Variants in CGA observed in about 807,000 individuals in gnomAD.
CGA encodes glycoprotein hormones, alpha polypeptide.
Under a neutral mutation model 12.0 loss-of-function variants are expected in CGA, and 4 were observed. That is an observed-to-expected ratio of 0.33 (90% confidence interval 0.16 to 0.76). CGA has a LOEUF of 0.76. Among genes scored for constraint, CGA ranks in the 30% least tolerant of loss-of-function variants. The pLI is 0.60. For missense variants in CGA, 102 were observed against 143.5 expected, an observed-to-expected ratio of 0.71 and a Z score of 1.48; for synonymous variants, 60 against 56.6, an observed-to-expected ratio of 1.06 and a Z score of -0.27.
At chr6:87,093,086 G>C (rs933968344) in intron 1 of CGA, among the ~76,000 whole-genome samples, 1 of 152,074 alleles carries the variant, frequency 6.6e-6, no homozygotes, top group African/African-American at 2.4e-5. Flanking sequence ...GTCAGCATTG[G>C]CTTTCACATA....
intron 1 of CGA, among the ~76,000 whole-genome samples, chr6:87,092,742 C>CTTTT (rs35436814): frequency 5.0e-3 from 389 of 77,892 alleles, no homozygotes; most frequent in Non-Finnish European, 6.9e-3. Flanking sequence ...CATTAGCTTT[C>CTTTT]TTTTTTTTTT....
intron 1 of CGA, among the ~76,000 whole-genome samples, chr6:87,092,742 C>CTTTTTTTTTTTTTTTTT: frequency 1.3e-5 from 1 of 78,040 alleles, no homozygotes; most frequent in Non-Finnish European, 2.3e-5. Flanking sequence ...CATTAGCTTT[C>CTTTTTTTTTTTTTTTTT]TTTTTTTTTT....
At chr6:87,090,804 A>ATT (rs71014987) in intron 1 of CGA, among the ~76,000 whole-genome samples, 9,372 of 140,354 alleles carry the variant, frequency 0.067, 686 homozygotes, top group African/African-American at 0.18. Context: ...CGCTTGGCTA[A>ATT]TTTTTTTTTT....
chr6:87,087,513 G>A (rs925367193), intron 2 of CGA, among the ~76,000 whole-genome samples: 2 of 152,182 alleles, frequency 1.3e-5, no homozygotes, highest in Non-Finnish European at 2.9e-5. Flanking sequence ...AGAGAAATAT[G>A]TCAGAATTAA....
chr6:87,085,954 AC>A (rs1279096249), intron 3 of CGA, 121 bp from the exon 4 acceptor site: 2 of 750,026 alleles, frequency 2.7e-6, no homozygotes, highest in African/African-American at 3.5e-5. Flanking sequence ...GATGCATACT[AC>A]ATTTGCACAG....
At chr6:87,085,996 G>A (rs776382837) in intron 3 of CGA, 163 bp from the exon 4 acceptor site, 1 of 679,418 alleles carries the variant, frequency 1.5e-6, no homozygotes, top group Admixed American at 2.5e-5. Flanking sequence ...TTTAGCACAA[G>A]TAAGCTGTAC....
intron 2 of CGA, among the ~76,000 whole-genome samples, chr6:87,086,875 C>T (rs563664915): frequency 2.0e-5 from 3 of 152,030 alleles, no homozygotes; most frequent in South Asian, 2.1e-4. Flanking sequence ...GTTAGGAATT[C>T]GAGACCAGCC....
chr6:87,087,209 A>T (rs1221622766), intron 2 of CGA, among the ~76,000 whole-genome samples: 4 of 152,322 alleles, frequency 2.6e-5, no homozygotes, highest in Middle Eastern at 3.4e-3. Context: ...CTTTTTGGTT[A>T]TATGTTAATC....
chr6:87,086,777 C>A (rs1769332818), intron 2 of CGA, among the ~76,000 whole-genome samples: 1 of 151,046 alleles, frequency 6.6e-6, no homozygotes, highest in African/African-American at 2.4e-5. Flanking sequence ...CAAAGTGAGA[C>A]CCTGACTCAA....
intron 3 of CGA, 92 bp from the exon 4 acceptor site, chr6:87,085,925 C>T (rs1769313536): frequency 4.4e-6 from 4 of 915,634 alleles, no homozygotes; most frequent in Non-Finnish European, 3.5e-6. Context: ...AAATTGTTTG[C>T]ATTCTGCTGA....
At position 87,095,045 on chromosome 6, in the gene CGA, G is replaced by A. The variant is rs1313062968; in HGVS notation, c.-40C>T. The A allele has an allele frequency of 6.6e-6, 1 of 152,156 alleles. No homozygotes were observed. Among genetic ancestry groups the A allele is most frequent in the Non-Finnish European group, 1.5e-5 (1 of 68,046 alleles). The allele number at this position is 152,156 out of a possible 1,614,324, so 9.4% of individuals were successfully genotyped here. A position where few individuals can be genotyped will look rare whatever the true frequency, so the allele number is the denominator to read the frequency against. On this transcript the variant is annotated 5_prime_UTR_variant, in exon 1 of 4. Coordinates refer to ENST00000627148, the MANE Select transcript of CGA (RefSeq NM_000735.4). ...TGGGCTTTTTGCAGGATGTGTTCAG[G>A]GCGGTTGACTGTGGATCCGAAGAGG...
intron 1 of CGA, among the ~76,000 whole-genome samples, chr6:87,092,580 G>A (rs73499719): frequency 6.7e-6 from 1 of 150,294 alleles, no homozygotes; most frequent in African/African-American, 2.5e-5. Flanking sequence ...GGAGAGGAGA[G>A]GGGAAGAGGG....
At chr6:87,088,058 AC>A (rs1769355505) in intron 2 of CGA, 54 bp downstream of exon 2, 1 of 918,006 alleles carries the variant, frequency 1.1e-6, no homozygotes, top group African/African-American at 1.7e-5. Flanking sequence ...TTATTGATGT[AC>A]ATCTAGAAAT....
chr6:87,092,733 A>G (rs1769463527), intron 1 of CGA, among the ~76,000 whole-genome samples: 1 of 145,702 alleles, frequency 6.9e-6, no homozygotes, highest in African/African-American at 2.5e-5. Flanking sequence ...GGGAAAAAGC[A>G]TTAGCTTTCT....
chr6:87,093,231 CT>C (rs1326339228), intron 1 of CGA, among the ~76,000 whole-genome samples: 2 of 152,194 alleles, frequency 1.3e-5, no homozygotes, highest in African/African-American at 2.4e-5. Context: ...TGTACTACCC[CT>C]ATAGCCTAGA....
intron 2 of CGA, 129 bp from the exon 3 acceptor site, chr6:87,086,563 G>T (rs984415886): frequency 9.9e-6 from 8 of 807,420 alleles, no homozygotes; most frequent in African/African-American, 1.7e-5. Context: ...GATTGCTTGA[G>T]CTCAGGAGTT....
intron 2 of CGA, among the ~76,000 whole-genome samples, chr6:87,087,272 A>G (rs1308128869): frequency 2.0e-5 from 3 of 152,200 alleles, no homozygotes; most frequent in African/African-American, 7.2e-5. Context: ...CATGGGAAAT[A>G]AAACTTAAAA....
At chr6:87,089,540 T>A (rs1769391825) in intron 1 of CGA, among the ~76,000 whole-genome samples, 1 of 152,226 alleles carries the variant, frequency 6.6e-6, no homozygotes, top group Non-Finnish European at 1.5e-5. Flanking sequence ...TTCCTCTAAA[T>A]CTGCAATTAT....
At chr6:87,090,492 T>A (rs1375534069) in intron 1 of CGA, among the ~76,000 whole-genome samples, 2 of 152,154 alleles carry the variant, frequency 1.3e-5, no homozygotes, top group African/African-American at 2.4e-5. Context: ...TTGTCATTTT[T>A]AAAAAATAAA....
Sources: allele counts gnomAD v4.1 joint callset (sites outside exome capture counted in the v4.1 genomes callset), GRCh38; gene constraint gnomAD v4.1.1; transcripts MANE v1.5; gene names NCBI Gene and HGNC (gene_info 2026-07-23, HGNC 2026-07-21).